The following ZNF248 variants were observed in gnomAD, a reference collection of about 807,000 sequenced individuals.
ZNF248 encodes the protein zinc finger protein 248, also known as KRAB protein domain.
In ZNF248, 20 loss-of-function variants were observed where a neutral mutation model predicts 44.3. That is an observed-to-expected ratio of 0.45 (90% CI 0.32 to 0.66). The LOEUF is 0.66. ZNF248 is among the 30% of genes least tolerant of loss of function. The probability of loss-of-function intolerance (pLI) is 0.04; values close to 1 mark genes in which losing one functional copy is unlikely to be tolerated. For missense variants in ZNF248, 654 were observed against 677.0 expected, an observed-to-expected ratio of 0.97 and a Z score of 0.38; for synonymous variants, 224 against 229.0, an observed-to-expected ratio of 0.98 and a Z score of 0.20.
chr10:37,823,333 CAAAAAAAAAAAAA>C (rs60957023), intron 6 of ZNF248, among the ~76,000 whole-genome samples: 71 of 17,536 alleles, frequency 4.0e-3, no homozygotes, highest in African/African-American at 0.015. Context: ...ACTCCGTCTC[CAAAAAAAAAAAAA>C]AAAAAAAAAA....
intron 5 of ZNF248, among the ~76,000 whole-genome samples, chr10:37,834,556 G>A (rs1301200801): frequency 6.6e-6 from 1 of 152,108 alleles, no homozygotes; most frequent in African/African-American, 2.4e-5. Context: ...ATTAGTAAGA[G>A]AGGCCCTTCT....
In ZNF248 at chr10:37,831,894, T is replaced by G. The variant is rs143363900; in HGVS notation, c.1461A>C (p.Thr487=). 339 of 1,614,010 alleles carry G rather than the reference T, an allele frequency of 2.1e-4. No individual in the cohort carries two copies. In the African/African-American group the frequency reaches 3.9e-3, roughly 19 times the overall value. Residue 487 remains threonine, a synonymous_variant, in exon 6 of 6, where the codon ACA becomes ACC. Transcript: ENST00000395867. ...SALTVHQRTH[T]GEKPFICNEC... Reference sequence around the variant, plus strand: ...CATTACATATAAACGGTTTCTCCCCTGTGTGTGTTCTCTGATGCACAGTGA... The same window carrying G: ...CATTACATATAAACGGTTTCTCCCCGGTGTGTGTTCTCTGATGCACAGTGA...
chr10:37,838,359 T>C (rs1398915112), intron 3 of ZNF248, among the ~76,000 whole-genome samples: 7 of 152,206 alleles, frequency 4.6e-5, no homozygotes, highest in Admixed American at 1.3e-4. Context: ...AGAGTGCTTA[T>C]GACCTGAAAA....
rs781238674 is a variant in ZNF248 at position 37,832,902 on chromosome 10, C to G, written c.453G>C (p.Ser151=). The change falls in exon 6 of 6, where the codon TCG becomes TCC. Residue 151 remains serine, a synonymous_variant. Transcript: ENST00000395867. ...DSCEMNLKNI[S]GLIISKKNCS... ...AGTTCTTTTTACTAATAATTAAGCC[C>G]GAAATATTTTTCAAATTCATTTCAC... 4 of 1,613,018 alleles carry G rather than the reference C, an allele frequency of 2.5e-6. No individual in the cohort carries two copies. Among genetic ancestry groups the G allele is most frequent in the Non-Finnish European group, 3.4e-6 (4 of 1,179,620 alleles).
chr10:37,766,231 G>A, the ZNF248 span, among the ~76,000 whole-genome samples: 1 of 152,212 alleles, frequency 6.6e-6, no homozygotes, highest in South Asian at 2.1e-4. Flanking sequence ...AGACTTAAAT[G>A]TCCCTGTCTG....
chr10:37,808,152 A>G (rs2050875821), intron 6 of ZNF248, among the ~76,000 whole-genome samples: 2 of 152,156 alleles, frequency 1.3e-5, no homozygotes, highest in South Asian at 2.1e-4. Flanking sequence ...GATGTATTAC[A>G]TTAGGTGGCT....
chr10:37,823,478 G>A (rs887018580), intron 6 of ZNF248, among the ~76,000 whole-genome samples: 4 of 151,046 alleles, frequency 2.6e-5, no homozygotes, highest in African/African-American at 9.8e-5. Flanking sequence ...ACTGCAGCTA[G>A]AACAAATGTA....
chr10:37,823,024 T>C (rs1176685386), intron 6 of ZNF248, among the ~76,000 whole-genome samples: 4 of 152,100 alleles, frequency 2.6e-5, no homozygotes. Flanking sequence ...TAAAAGTTTA[T>C]TGAATGACAG....
At chr10:37,760,158 T>G in the ZNF248 span, among the ~76,000 whole-genome samples, 1 of 152,132 alleles carries the variant, frequency 6.6e-6, no homozygotes, top group South Asian at 2.1e-4. Flanking sequence ...AACTAACAAA[T>G]GGAGTAAATA....
At chr10:37,779,916 T>C (rs1218238958) in intron 6 of ZNF248, among the ~76,000 whole-genome samples, 2 of 150,840 alleles carry the variant, frequency 1.3e-5, no homozygotes, top group Non-Finnish European at 3.0e-5. Context: ...CCATTCACAA[T>C]TGCTTCAAAG....
chr10:37,810,551 T>C (rs34964888), intron 6 of ZNF248, among the ~76,000 whole-genome samples: 4,176 of 152,208 alleles, frequency 0.027, 139 homozygotes, highest in African/African-American at 0.082. Context: ...TTCCAACATA[T>C]TGGAAAAGTT....
downstream of ZNF248, among the ~76,000 whole-genome samples, chr10:37,824,853 T>C (rs1399808552): frequency 2.7e-5 from 4 of 146,106 alleles, no homozygotes; most frequent in African/African-American, 1.0e-4. Flanking sequence ...AGCTGATTTT[T>C]TTTTTTTTTT....
At chr10:37,857,753 C>G (rs1280937631), upstream of ZNF248, 1 of 152,484 alleles carries the variant, frequency 6.6e-6, no homozygotes, top group East Asian at 1.9e-4. Context: ...CGGGCCAGTG[C>G]GCATTGCCTA....
At chr10:37,761,663 A>G in the ZNF248 span, among the ~76,000 whole-genome samples, 14 of 152,218 alleles carry the variant, frequency 9.2e-5, no homozygotes, top group Non-Finnish European at 1.5e-4. Context: ...TGCCACATGA[A>G]GATTTCTAGG....
At chr10:37,852,841 G>T (rs2060541689) in intron 3 of ZNF248, among the ~76,000 whole-genome samples, 1 of 151,784 alleles carries the variant, frequency 6.6e-6, no homozygotes, top group South Asian at 2.1e-4. Flanking sequence ...GGAAAGTAGA[G>T]AATATTTGAT....
At chr10:37,820,637 T>C (rs759981299) in intron 6 of ZNF248, 36 of 1,536,508 alleles carry the variant, frequency 2.3e-5, no homozygotes, top group Non-Finnish European at 3.1e-5. Context: ...GCTAGTTTCA[T>C]GTGGTTCGGC....
At chr10:37,823,064 G>A (rs566952004) in intron 6 of ZNF248, among the ~76,000 whole-genome samples, 67 of 152,102 alleles carry the variant, frequency 4.4e-4, no homozygotes, top group African/African-American at 1.5e-3. Context: ...GGCTGGGCAC[G>A]GTGGCTCACA....
At position 37,831,695 on chromosome 10, in the gene ZNF248, C is replaced by A; in HGVS notation, c.1660G>T (p.Gly554Trp). Reference protein sequence around the residue: ...GEKPYECNACGKTFSQRSVLT... With the variant: ...GEKPYECNACWKTFSQRSVLT... Reference sequence around the variant, plus strand: ...ACTGACCTCTGACTAAAGGTCTTCCCACATGCATTACACTCATACGGCTTC... The same window carrying A: ...ACTGACCTCTGACTAAAGGTCTTCCAACATGCATTACACTCATACGGCTTC... The change falls in exon 6 of 6, where the codon GGG (glycine) becomes TGG (tryptophan). Residue 554 changes from glycine to tryptophan, a missense_variant. Gly to Trp is a radical substitution (Grantham distance 184, BLOSUM62 -2). Transcript: ENST00000395867. 3 of 1,613,966 alleles carry A rather than the reference C, an allele frequency of 1.9e-6. No homozygotes were observed. Among genetic ancestry groups the A allele is most frequent in the Non-Finnish European group, 1.7e-6 (2 of 1,179,872 alleles).
At chr10:37,836,639 G>A (rs992692165) in intron 5 of ZNF248, among the ~76,000 whole-genome samples, 9 of 152,002 alleles carry the variant, frequency 5.9e-5, no homozygotes, top group Non-Finnish European at 1.2e-4. Flanking sequence ...AGACTATACC[G>A]TCATTCTTCG....
Sources: allele counts gnomAD v4.1 joint callset (sites outside exome capture counted in the v4.1 genomes callset), GRCh38; gene constraint gnomAD v4.1.1; transcripts MANE v1.5; gene names NCBI Gene and HGNC (gene_info 2026-07-23, HGNC 2026-07-21).